The following PTK2 variants were observed in gnomAD, a reference collection of about 807,000 sequenced individuals.
PTK2 encodes the protein protein tyrosine kinase 2.
PTK2 carries 45 observed loss-of-function variants against 150.1 expected under a neutral mutation model. That is an observed-to-expected ratio of 0.30 (90% CI 0.24 to 0.38). The LOEUF (loss-of-function observed/expected upper bound fraction) is 0.38, where lower values mean the gene tolerates loss of function less well. PTK2 is among the 10% of genes least tolerant of loss of function. The pLI, the probability that PTK2 is intolerant of heterozygous loss-of-function variation, is 1.00. For synonymous variants in PTK2, 432 were observed against 449.2 expected, an observed-to-expected ratio of 0.96 and a Z score of 0.48; for missense variants, 919 against 1,307.3, an observed-to-expected ratio of 0.70 and a Z score of 4.58.
Position 140,856,366 on chromosome 8 carries a change from A to AAAAAC in PTK2, c.450+7941_450+7945dup, listed in dbSNP as rs74275894. 3.4e-3 allele frequency among the ~76,000 whole-genome samples: 513 copies of AAAAAC among 150,782 alleles called. 4 individuals are homozygous for AAAAAC. Among genetic ancestry groups the AAAAAC allele is most frequent in the East Asian group, 5.9e-3 (30 of 5,106 alleles). ...GTTCCCAGTCATCTCAATAATAGTAAAAAACAAAACAAAACAAAACAAAAC... is the reference window on the plus strand; with the variant it reads ...GTTCCCAGTCATCTCAATAATAGTAAAAAACAAAACAAAACAAAACAAAACAAAAC... On this transcript the variant is annotated intron_variant, in intron 5 of 31. Transcript: ENST00000522684.
chr8:140,869,119 GC>G (rs1179663491), intron 4 of PTK2, among the ~76,000 whole-genome samples: 56 of 66,312 alleles, frequency 8.4e-4, no homozygotes, highest in Non-Finnish European at 1.4e-3. Context: ...ACCCGCCCCC[GC>G]CCCCCCAACC....
At chr8:140,811,094 A>G (rs1210254857) in intron 10 of PTK2, among the ~76,000 whole-genome samples, 1 of 152,226 alleles carries the variant, frequency 6.6e-6, no homozygotes, top group Non-Finnish European at 1.5e-5. Context: ...GCACATGGAA[A>G]CAAGGGCGGA....
At position 140,700,823 on chromosome 8, in the gene PTK2, T is replaced by A. The variant is rs2100029811; in HGVS notation, c.2499+68A>T. The A allele has an allele frequency of 1.9e-6, 3 of 1,540,476 alleles. No homozygotes were observed. The South Asian group carries it at 3.6e-5, about 19-fold the overall frequency. ...TGCTTTGAAAGATAACATTTTGCAA[T>A]AATTTGCAATATAGTAGACTCTAAC... On this transcript the variant is annotated intron_variant, in intron 26 of 31. Coordinates refer to ENST00000522684, the Ensembl canonical transcript of PTK2.
chr8:140,971,087 T>C (rs1223976431), intron 1 of PTK2, among the ~76,000 whole-genome samples: 1 of 152,174 alleles, frequency 6.6e-6, no homozygotes. Context: ...TTGAAGTAAC[T>C]AAAAAATTAG....
At position 140,746,866 on chromosome 8, in the gene PTK2, A is replaced by G; in HGVS notation, c.1418-6T>C. 6.4e-7 allele frequency: 1 copy of G among 1,574,186 alleles called. No individual in the cohort carries two copies. The highest frequency in any genetic ancestry group is 8.7e-7 in the Non-Finnish European group (1 of 1,153,368). ...GTCAAACTGACGCATTGTTACTAGG[A>G]AAAAAGTTCTCCATAGTTATTCTTT... On this transcript the variant is annotated splice_region_variant and splice_polypyrimidine_tract_variant and intron_variant, in intron 17 of 31. Transcript: ENST00000522684.
intron 8 of PTK2, among the ~76,000 whole-genome samples, chr8:140,819,792 GAAGT>G (rs1333826093): frequency 6.6e-6 from 1 of 152,190 alleles, no homozygotes; most frequent in African/African-American, 2.4e-5. Context: ...CTTTTTTCAT[GAAGT>G]AAGATGATAG....
intron 4 of PTK2, among the ~76,000 whole-genome samples, chr8:140,873,434 C>G (rs1323647450): frequency 6.6e-6 from 1 of 151,864 alleles, no homozygotes; most frequent in Non-Finnish European, 1.5e-5. Context: ...CTTCATGTCT[C>G]TTGTGTATCT....
intron 10 of PTK2, among the ~76,000 whole-genome samples, chr8:140,807,010 A>G (rs770467602): frequency 3.3e-5 from 5 of 152,242 alleles, no homozygotes; most frequent in Non-Finnish European, 5.9e-5. Context: ...TATAACTAGA[A>G]GGAAAGCCCC....
intron 29 of PTK2, among the ~76,000 whole-genome samples, chr8:140,672,817 A>C (rs2100011384): frequency 6.6e-6 from 1 of 152,214 alleles, no homozygotes; most frequent in Admixed American, 6.5e-5. Context: ...CCTTTGAGTC[A>C]AGTATGTGCT....
At chr8:141,000,078 G>A in intron 1 of PTK2, among the ~76,000 whole-genome samples, 1 of 93,094 alleles carries the variant, frequency 1.1e-5, no homozygotes. Flanking sequence ...GCAATTAAAT[G>A]AAACCAATTC....
rs148286397 is a variant in PTK2, at chr8:140,873,761, C to T, written c.362+5710G>A. ...GATTACAGGCATGAGCCACAGTGCC[C>T]AGTCAGCAATTTTTATATTGATCAG... On this transcript the variant is annotated intron_variant, in intron 4 of 31. Coordinates refer to ENST00000522684, the Ensembl canonical transcript of PTK2. Among the ~76,000 whole-genome samples the T allele has an allele frequency of 6.3e-3, 957 of 152,338 alleles. 15 individuals carry two copies. The highest frequency in any genetic ancestry group is 0.021 in the African/African-American group (880 of 41,584).
At chr8:140,740,060 G>T (rs2100054836) in intron 20 of PTK2, among the ~76,000 whole-genome samples, 1 of 152,178 alleles carries the variant, frequency 6.6e-6, no homozygotes, top group South Asian at 2.1e-4. Context: ...GACTTCTCTA[G>T]GGAAGCCTGA....
chr8:140,762,609 T>TC (rs2100069997), intron 15 of PTK2, among the ~76,000 whole-genome samples: 1 of 152,212 alleles, frequency 6.6e-6, no homozygotes, highest in South Asian at 2.1e-4. Context: ...AGTTCCTATC[T>TC]CATCAAGTTC....
intron 22 of PTK2, chr8:140,732,612 G>A (rs1321610812): frequency 1.9e-6 from 1 of 528,134 alleles, no homozygotes; most frequent in Non-Finnish European, 3.9e-6. Flanking sequence ...GTCTAGTAGG[G>A]GATGAGACAT....
At chr8:140,745,650 T>C (rs2100058271) in intron 18 of PTK2, among the ~76,000 whole-genome samples, 1 of 152,164 alleles carries the variant, frequency 6.6e-6, no homozygotes, top group Admixed American at 6.5e-5. Context: ...TGCACTGATT[T>C]GTTTCTGTAT....
Position 140,846,406 on chromosome 8 carries a change from C to T in PTK2, c.531-84G>A, listed in dbSNP as rs57790470. 1.5e-5 allele frequency: 21 copies of T among 1,405,038 alleles called. No homozygotes were observed. In the East Asian group the frequency reaches 3.5e-4, roughly 23 times the overall value. 87.0% of individuals were successfully genotyped at this position (1,405,038 alleles called of 1,614,324 possible). ...GTGATAAAAACTGGGGGAGAGGCAT[C>T]TGAATAATAAACAAAAATTAACAGC... On this transcript the variant is annotated intron_variant, in intron 6 of 31. Transcript: ENST00000522684.
intron 26 of PTK2, among the ~76,000 whole-genome samples, chr8:140,700,413 C>A (rs1161985813): frequency 6.6e-6 from 1 of 151,964 alleles, no homozygotes; most frequent in Non-Finnish European, 1.5e-5. Flanking sequence ...CTCAAGTGAT[C>A]CTCCTGCCTT....
rs1592825922 is a variant in PTK2 at position 140,735,124 on chromosome 8, C to T, written c.2030+127G>A. 3.6e-6 allele frequency: 3 copies of T among 834,976 alleles called. No homozygotes were observed. In the East Asian group the frequency reaches 8.0e-5, roughly 22 times the overall value. The allele number at this position is 834,976 out of a possible 1,614,324, so 51.7% of individuals were successfully genotyped here. A position where few individuals can be genotyped will look rare whatever the true frequency, so the allele number is the denominator to read the frequency against. On this transcript the variant is annotated intron_variant, in intron 22 of 31. Transcript: ENST00000522684. The stretch of plus-strand genomic sequence containing the variant: ...TGCAAATCAATTTTAAAAGTAATTG[C>T]ATTTGAACGAAAAATAGTTCGGCCT...
At chr8:140,900,283 T>C (rs930725155) in intron 2 of PTK2, among the ~76,000 whole-genome samples, 5 of 152,338 alleles carry the variant, frequency 3.3e-5, no homozygotes, top group African/African-American at 9.6e-5. Flanking sequence ...AGCATTTATA[T>C]ACACCAACAA....
Sources: allele counts gnomAD v4.1 joint callset (sites outside exome capture counted in the v4.1 genomes callset), GRCh38; gene constraint gnomAD v4.1.1; transcripts MANE v1.5; gene names NCBI Gene and HGNC (gene_info 2026-07-23, HGNC 2026-07-21).